Variants in MITF observed in about 807,000 individuals in gnomAD.
The protein encoded by MITF is microphthalmia-associated transcription factor.
MITF carries 17 observed loss-of-function variants against 60.5 expected under a neutral mutation model. The ratio of observed to expected loss-of-function variants is 0.28; its 90% confidence interval spans 0.19 to 0.42. The LOEUF (loss-of-function observed/expected upper bound fraction) is 0.42. MITF is among the 10% of genes least tolerant of loss of function. The pLI, the probability that MITF is intolerant of heterozygous loss-of-function variation, is 1.00. For synonymous variants in MITF, 260 were observed against 248.5 expected (o/e 1.05, Z -0.43); for missense variants, 622 against 683.5 (o/e 0.91, Z 1.00).
chr3:69,895,355 G>C (rs2064850628), intron 2 of MITF, among the ~76,000 whole-genome samples: 1 of 152,122 alleles, frequency 6.6e-6, no homozygotes, highest in Non-Finnish European at 1.5e-5. Flanking sequence ...GTCTAAGTGT[G>C]TTTTGCCAAT....
At chr3:69,797,542 G>A (rs2062851433) in intron 1 of MITF, among the ~76,000 whole-genome samples, 1 of 152,058 alleles carries the variant, frequency 6.6e-6, no homozygotes, top group Admixed American at 6.6e-5. Context: ...TAGGTGTGAT[G>A]GTGGAGTAAT....
intron 1 of MITF, among the ~76,000 whole-genome samples, chr3:69,857,450 A>G (rs1411061178): frequency 6.6e-6 from 1 of 152,106 alleles, no homozygotes; most frequent in Non-Finnish European, 1.5e-5. Context: ...GTGTGACAAT[A>G]TGATAAACAA....
chr3:69,769,181 T>G (rs2062352301), intron 1 of MITF, among the ~76,000 whole-genome samples: 1 of 152,196 alleles, frequency 6.6e-6, no homozygotes, highest in Non-Finnish European at 1.5e-5. Flanking sequence ...CTTTATATCT[T>G]GGATTTCTTA....
chr3:69,918,820 A>G (rs547690099), intron 2 of MITF, among the ~76,000 whole-genome samples: 8 of 152,350 alleles, frequency 5.3e-5, no homozygotes, highest in African/African-American at 1.9e-4. Context: ...TTTTCTCTGA[A>G]GGGAGAGGGT....
chr3:69,787,487 G>C (rs532529899), intron 1 of MITF, among the ~76,000 whole-genome samples: 27 of 152,264 alleles, frequency 1.8e-4, no homozygotes, highest in African/African-American at 6.5e-4. Flanking sequence ...CTGTTTCTTA[G>C]TAGTACAGGC....
At chr3:69,770,300 T>G (rs2106835380) in intron 1 of MITF, among the ~76,000 whole-genome samples, 1 of 152,288 alleles carries the variant, frequency 6.6e-6, no homozygotes, top group Middle Eastern at 3.4e-3. Flanking sequence ...AGGGAATGAT[T>G]AATGGTGACA....
intron 2 of MITF, among the ~76,000 whole-genome samples, chr3:69,892,314 G>C (rs1030729576): frequency 6.6e-6 from 1 of 152,118 alleles, no homozygotes; most frequent in African/African-American, 2.4e-5. Flanking sequence ...AGCAGCTTTA[G>C]GTTCACAGCT....
intron 6 of MITF, among the ~76,000 whole-genome samples, chr3:69,950,627 G>GTATATATATATATATATATATATA (rs143648888): frequency 6.5e-5 from 9 of 138,056 alleles, no homozygotes; most frequent in African/African-American, 2.1e-4. Context: ...TATATGGTGT[G>GTATATATATATATATATATATATA]TATATATATA....
chr3:69,920,459 C>T (rs2065440625), intron 2 of MITF, among the ~76,000 whole-genome samples: 2 of 152,140 alleles, frequency 1.3e-5, no homozygotes, highest in Non-Finnish European at 2.9e-5. Flanking sequence ...CCTAGTCCGC[C>T]TTCATGTTCC....
intron 1 of MITF, among the ~76,000 whole-genome samples, chr3:69,744,916 C>T (rs1348502072): frequency 6.6e-6 from 1 of 152,080 alleles, no homozygotes; most frequent in African/African-American, 2.4e-5. Context: ...TTTATTGAGT[C>T]CTAGTATGTG....
chr3:69,796,642 G>A (rs2062835781), intron 1 of MITF, among the ~76,000 whole-genome samples: 2 of 151,328 alleles, frequency 1.3e-5, no homozygotes, highest in African/African-American at 4.9e-5. Context: ...AAGTAGCTGG[G>A]ACTACAGGCG....
intron 1 of MITF, among the ~76,000 whole-genome samples, chr3:69,746,655 G>T (rs913063995): frequency 1.3e-5 from 2 of 152,172 alleles, no homozygotes; most frequent in African/African-American, 2.4e-5. Context: ...ACAGGTCAAA[G>T]ATATTAAATG....
intron 2 of MITF, among the ~76,000 whole-genome samples, chr3:69,906,763 A>G (rs937311178): frequency 6.6e-6 from 1 of 152,136 alleles, no homozygotes; most frequent in Non-Finnish European, 1.5e-5. Flanking sequence ...GTCCAGGACT[A>G]TGATTTGGTT....
chr3:69,898,644 T>TA (rs2064930652), intron 2 of MITF, among the ~76,000 whole-genome samples: 1 of 152,152 alleles, frequency 6.6e-6, no homozygotes. Context: ...TGAAGCAATG[T>TA]AAAAACACAG....
intron 1 of MITF, 31 bp downstream of exon 1, chr3:69,739,732 C>T: frequency 6.6e-7 from 1 of 1,515,166 alleles, no homozygotes; most frequent in Non-Finnish European, 9.0e-7. Flanking sequence ...AGAGGCGCAC[C>T]GGGCGGCTGG....
chr3:69,816,402 T>C (rs1363006782), intron 1 of MITF, among the ~76,000 whole-genome samples: 6 of 152,162 alleles, frequency 3.9e-5, no homozygotes. Context: ...ACTGCTCATC[T>C]CATTTGTTTT....
rs2063293326 is a variant in MITF, at chr3:69,822,621, A to G, written c.105-56513A>G. Among the ~76,000 whole-genome samples the G allele has an allele frequency of 1.3e-5, 2 of 152,200 alleles. 1 individual carries two copies. Among genetic ancestry groups the G allele is most frequent in the Middle Eastern group, 6.3e-3 (2 of 316 alleles). ...ACAAGAAATGAAAAACTTAATTACC[A>G]GGAAAATAAACCAGCTGAGTATGAG... On this transcript the variant is annotated intron_variant, in intron 1 of 9. Coordinates refer to ENST00000352241, the MANE Select transcript of MITF (RefSeq NM_001354604.2).
At chr3:69,782,468 T>A (rs1351970948) in intron 1 of MITF, among the ~76,000 whole-genome samples, 1 of 152,220 alleles carries the variant, frequency 6.6e-6, no homozygotes, top group Non-Finnish European at 1.5e-5. Context: ...TTGCTGTTAT[T>A]CTTCCATTTA....
At chr3:69,924,361 A>G (rs1300349171) in intron 2 of MITF, among the ~76,000 whole-genome samples, 3 of 152,248 alleles carry the variant, frequency 2.0e-5, no homozygotes, top group Non-Finnish European at 2.9e-5. Context: ...TAAAAAGCAG[A>G]TATTTGATAC....
Sources: gnomAD v4.1 joint callset for allele counts (sites outside exome capture counted in the v4.1 genomes callset) on GRCh38, gnomAD v4.1.1 for gene constraint, MANE v1.5 for transcripts, NCBI Gene and HGNC (gene_info 2026-07-23, HGNC 2026-07-21) for gene names.